Variants in PCDHB9 observed in about 807,000 individuals in gnomAD.
PCDHB9 encodes protocadherin beta 9.
For missense variants in PCDHB9, 1,072 were observed against 995.1 expected (o/e 1.08, Z -1.04); for synonymous variants, 501 against 439.7 (o/e 1.14, Z -1.75).
chr5:141,188,923 C>G lies in PCDHB9; in HGVS notation c.1605C>G (p.Asp535Glu). 1 of 1,612,126 alleles carries G rather than the reference C, an allele frequency of 6.2e-7. No individual in the cohort carries two copies. Among genetic ancestry groups the G allele is most frequent in the Non-Finnish European group, 8.5e-7 (1 of 1,179,836 alleles). Reference protein sequence around the residue: ...QAFDFRVGASDRGSPALSSEA... With the variant: ...QAFDFRVGASERGSPALSSEA... ...TCGACTTCCGCGTGGGCGCCTCAGA[C>G]CGCGGCTCCCCGGCTTTGAGCAGCG... Residue 535 changes from aspartate to glutamate, a missense_variant, in exon 1 of 1, where the codon GAC (aspartate) becomes GAG (glutamate). Transcript: ENST00000316105.
Position 141,188,173 on chromosome 5 carries a change from T to A in PCDHB9, c.855T>A (p.Ser285=), listed in dbSNP as rs1168158962. Reference sequence around the variant, plus strand: ...TATCCTATTCATTTTTTGATGCTTCTGAAGATATTTTAACAACGTTTCAAA... The same window carrying A: ...TATCCTATTCATTTTTTGATGCTTCAGAAGATATTTTAACAACGTTTCAAA... ...AEVSYSFFDA[S]EDILTTFQIN... is the part of the protein sequence containing the mutation. Residue 285 remains serine (S), a synonymous_variant, in exon 1 of 1, where the codon TCT becomes TCA. Transcript: ENST00000316105. The A allele has an allele frequency of 1.9e-6, 3 of 1,610,474 alleles. No homozygotes were observed. The highest frequency in any genetic ancestry group is 1.3e-5 in the African/African-American group (1 of 74,850).
chr5:141,187,407 T>C lies in PCDHB9; in HGVS notation c.89T>C (p.Phe30Ser), dbSNP rs376937188. 2 of 1,613,978 alleles carry C rather than the reference T, an allele frequency of 1.2e-6. No individual in the cohort carries two copies. The highest frequency in any genetic ancestry group is 1.3e-5 in the African/African-American group (1 of 74,904). The change falls in exon 1 of 1, where the codon TTT becomes TCT. Residue 30 changes from phenylalanine to serine, a missense_variant. Phe to Ser is a radical substitution (Grantham distance 155). Transcript: ENST00000316105. Reference sequence around the variant, plus strand: ...GGAGTGTCCTTGGCAGGTTCTGGGTTTGGACGTTATTCGGTGACTGAGGAA... The same window carrying C: ...GGAGTGTCCTTGGCAGGTTCTGGGTCTGGACGTTATTCGGTGACTGAGGAA... Reference protein sequence around the residue: ...FWGVSLAGSGFGRYSVTEETE... With the variant: ...FWGVSLAGSGSGRYSVTEETE...
Position 141,189,035 on chromosome 5 carries a change from A to G in PCDHB9, c.1717A>G (p.Thr573Ala). 1 of 1,609,040 alleles carries G rather than the reference A, an allele frequency of 6.2e-7. No individual in the cohort carries two copies. The highest frequency in any genetic ancestry group is 8.5e-7 in the Non-Finnish European group (1 of 1,179,454). Residue 573 changes from threonine (T) to alanine (A), a missense_variant, in exon 1 of 1, where the codon ACC (threonine) becomes GCC (alanine). Thr to Ala is a moderately conservative substitution (Grantham distance 58). Transcript: ENST00000316105. Reference sequence around the variant, plus strand: ...GCTGCAGAACGGCTCCGCGCCCTGCACCGAGCTGGTGCCCCGGGCGGCCGA... The same window carrying G: ...GCTGCAGAACGGCTCCGCGCCCTGCGCCGAGCTGGTGCCCCGGGCGGCCGA... ...YPLQNGSAPC[T>A]ELVPRAAEPG...
Position 141,188,758 on chromosome 5 carries a change from A to C in PCDHB9, c.1440A>C (p.Ser480=), listed in dbSNP as rs17844524. The C allele has an allele frequency of 6.2e-7, 1 of 1,613,058 alleles. No homozygotes were observed. Among genetic ancestry groups the C allele is most frequent in the Non-Finnish European group, 8.5e-7 (1 of 1,180,012 alleles). The change falls in exon 1 of 1, where the codon TCA becomes TCC. Residue 480 remains serine (S), a synonymous_variant. Coordinates refer to ENST00000316105, the MANE Select transcript of PCDHB9 (RefSeq NM_019119.5). ...IGSVSATDRD[S]GTNAQVTYSL... ...GTGTCAGCGCCACAGACAGAGACTC[A>C]GGCACCAACGCCCAGGTCACCTACT...
chr5:141,189,779 T>A lies in PCDHB9; in HGVS notation c.*67T>A. On this transcript the variant is annotated 3_prime_UTR_variant, in exon 1 of 1. Coordinates refer to ENST00000316105, the MANE Select transcript of PCDHB9 (RefSeq NM_019119.5). The stretch of plus-strand genomic sequence containing the variant: ...TCTTGTTGGCTAACTAAATTGTGTA[T>A]GCCCACCACAAAGAAGGTACTATTT... 1 of 1,360,586 alleles carries A rather than the reference T, an allele frequency of 7.3e-7. No homozygotes were observed. Among genetic ancestry groups the A allele is most frequent in the Non-Finnish European group, 1.0e-6 (1 of 993,932 alleles). The allele number at this position is 1,360,586 out of a possible 1,614,324, so 84.3% of individuals were successfully genotyped here.
chr5:141,187,207 G>T lies in PCDHB9; in HGVS notation c.-112G>T. The T allele has an allele frequency of 7.7e-7, 1 of 1,297,370 alleles. No homozygotes were observed. The highest frequency in any genetic ancestry group is 2.3e-5 in the East Asian group (1 of 42,908). 80.4% of individuals were successfully genotyped at this position (1,297,370 alleles called of 1,614,324 possible). ...AGAAGAGCTGTCGAGTCCCTGATTG[G>T]GAAAGGAAAAATTAAAAACCCTAGA... On this transcript the variant is annotated 5_prime_UTR_variant, in exon 1 of 1. Transcript: ENST00000316105.
At position 141,188,053 on chromosome 5, in the gene PCDHB9, T is replaced by A; in HGVS notation, c.735T>A (p.Ala245=). The change falls in exon 1 of 1, where the codon GCT becomes GCA. Residue 245 remains alanine (A), a synonymous_variant. Transcript: ENST00000316105. Reference sequence around the variant, plus strand: ...ACAATGTCCCACAGTTTGCCCAGGCTCTGTATGAGACCCAGGCTCCAGAAA... The same window carrying A: ...ACAATGTCCCACAGTTTGCCCAGGCACTGTATGAGACCCAGGCTCCAGAAA... ...VNDNVPQFAQ[A]LYETQAPENS... 2.5e-6 allele frequency: 4 copies of A among 1,613,978 alleles called. No individual in the cohort carries two copies. Among genetic ancestry groups the A allele is most frequent in the Non-Finnish European group, 3.4e-6 (4 of 1,179,988 alleles).
In PCDHB9 at chr5:141,190,028, T is replaced by A. The variant is rs1319867697; in HGVS notation, c.*316T>A. On this transcript the variant is annotated 3_prime_UTR_variant, in exon 1 of 1. Transcript: ENST00000316105. The stretch of plus-strand genomic sequence containing the variant: ...TCATTAGTTCTTCTTTTCCTAAAAC[T>A]TTTTACTTGTTAAAATAGTCTGCTG... 4.6e-6 allele frequency: 1 copy of A among 219,452 alleles called. No homozygotes were observed. 13.6% of individuals were successfully genotyped at this position (219,452 alleles called of 1,614,324 possible).
In PCDHB9 at chr5:141,188,680, C is replaced by T. The variant is rs782815281; in HGVS notation, c.1362C>T (p.Thr454=). Residue 454 remains threonine (T), a synonymous_variant, in exon 1 of 1, where the codon ACC becomes ACT. Transcript: ENST00000316105. ...ACAACGCCCCCGCCTTCACCCAAAC[C>T]TCCTACACCCTGTTCGTCCGGGAGA... is the stretch of plus-strand genomic sequence containing the variant. The part of the protein sequence containing the change: ...VNDNAPAFTQ[T]SYTLFVRENN... 10 of 1,613,978 alleles carry T rather than the reference C, an allele frequency of 6.2e-6. No homozygotes were observed. The highest frequency in any genetic ancestry group is 5.5e-5 in the South Asian group (5 of 91,082).
rs2910323 is a variant in PCDHB9, at chr5:141,189,586, T to A, written c.2268T>A (p.Thr756=). The A allele has an allele frequency of 1.9e-6, 3 of 1,614,056 alleles. No homozygotes were observed. Among genetic ancestry groups the A allele is most frequent in the South Asian group, 2.2e-5 (2 of 91,068 alleles). Residue 756 remains threonine, a synonymous_variant, in exon 1 of 1, where the codon ACT becomes ACA. Coordinates refer to ENST00000316105, the MANE Select transcript of PCDHB9 (RefSeq NM_019119.5). ...FQSYQYEVCL[T]GGSETGEFKF... is the part of the protein sequence containing the mutation. ...GCTACCAGTACGAGGTGTGTCTGAC[T>A]GGAGGTTCAGAGACCGGCGAGTTCA...
rs981024864 is a variant in PCDHB9 at position 141,188,415 on chromosome 5, C to T, written c.1097C>T (p.Ala366Val). The T allele has an allele frequency of 6.2e-7, 1 of 1,614,100 alleles. No individual in the cohort carries two copies. The highest frequency in any genetic ancestry group is 8.5e-7 in the Non-Finnish European group (1 of 1,179,988). The change falls in exon 1 of 1, where the codon GCT becomes GTT. Residue 366 changes from alanine to valine, a missense_variant. Transcript: ENST00000316105. ...VAENSPGIVL[A>V]VFKIKDRDSG... Reference sequence around the variant, plus strand: ...GAAAACTCTCCTGGGATAGTATTGGCTGTTTTTAAGATTAAAGACAGAGAC... The same window carrying T: ...GAAAACTCTCCTGGGATAGTATTGGTTGTTTTTAAGATTAAAGACAGAGAC...
rs1554282938 is a variant in PCDHB9, at chr5:141,188,158, A to C, written c.840A>C (p.Ser280=). 6.2e-7 allele frequency: 1 copy of C among 1,610,808 alleles called. No homozygotes were observed. Among genetic ancestry groups the C allele is most frequent in the Non-Finnish European group, 8.5e-7 (1 of 1,178,156 alleles). The change falls in exon 1 of 1, where the codon TCA becomes TCC. Residue 280 remains serine, a synonymous_variant. Coordinates refer to ENST00000316105, the MANE Select transcript of PCDHB9 (RefSeq NM_019119.5). ...GAGTCAATGCAGAAGTATCCTATTC[A>C]TTTTTTGATGCTTCTGAAGATATTT... ...DSGVNAEVSY[S]FFDASEDILT... is the part of the protein sequence containing the mutation.
In PCDHB9 at chr5:141,188,152, C is replaced by A; in HGVS notation, c.834C>A (p.Ser278=). ...ACTCAGGAGTCAATGCAGAAGTATC[C>A]TATTCATTTTTTGATGCTTCTGAAG... is the stretch of plus-strand genomic sequence containing the variant. ...DADSGVNAEV[S]YSFFDASEDI... Residue 278 remains serine (S), a synonymous_variant, in exon 1 of 1, where the codon TCC becomes TCA. Transcript: ENST00000316105. 6.2e-7 allele frequency: 1 copy of A among 1,611,000 alleles called. No individual in the cohort carries two copies. The highest frequency in any genetic ancestry group is 1.1e-5 in the South Asian group (1 of 90,770).
Position 141,187,920 on chromosome 5 carries a change from A to G in PCDHB9, c.602A>G (p.Asp201Gly). The change falls in exon 1 of 1, where the codon GAT becomes GGT. Residue 201 changes from aspartate to glycine, a missense_variant. Coordinates refer to ENST00000316105, the MANE Select transcript of PCDHB9 (RefSeq NM_019119.5). ...GAGCTAGTGTTGGACAAAGCACTGG[A>G]TCGGGAGGAGCAGGAAGAGCTCAGC... ...YPELVLDKAL[D>G]REEQEELSLT... 6.2e-7 allele frequency: 1 copy of G among 1,614,164 alleles called. No individual in the cohort carries two copies. The highest frequency in any genetic ancestry group is 8.5e-7 in the Non-Finnish European group (1 of 1,180,038).
In PCDHB9 at chr5:141,187,924, G is replaced by A. The variant is rs1242059693; in HGVS notation, c.606G>A (p.Arg202=). The part of the protein sequence containing the change: ...PELVLDKALD[R]EEQEELSLTL... ...TAGTGTTGGACAAAGCACTGGATCG[G>A]GAGGAGCAGGAAGAGCTCAGCTTAA... is the stretch of plus-strand genomic sequence containing the variant. Residue 202 remains arginine (R), a synonymous_variant, in exon 1 of 1, where the codon CGG becomes CGA. Coordinates refer to ENST00000316105, the MANE Select transcript of PCDHB9 (RefSeq NM_019119.5). 1 of 1,614,154 alleles carries A rather than the reference G, an allele frequency of 6.2e-7. No individual in the cohort carries two copies. Among genetic ancestry groups the A allele is most frequent in the Admixed American group, 1.7e-5 (1 of 60,016 alleles).
rs782704718 is a variant in PCDHB9 at position 141,188,184 on chromosome 5, T to G, written c.866T>G (p.Leu289Ter). Residue 289 changes from leucine (L) to a stop codon, truncating the protein, a stop_gained, in exon 1 of 1, where the codon TTA becomes TGA. Transcript: ENST00000316105. LOFTEE classifies it low-confidence loss of function (END_TRUNC). The stretch of plus-strand genomic sequence containing the variant: ...TTTTTTGATGCTTCTGAAGATATTT[T>G]AACAACGTTTCAAATCAATCCTTTT... Reference protein sequence around the residue: ...YSFFDASEDILTTFQINPFSG... With the variant: ...YSFFDASEDI 2 of 1,610,952 alleles carry G rather than the reference T, an allele frequency of 1.2e-6. No individual in the cohort carries two copies. The highest frequency in any genetic ancestry group is 1.3e-5 in the African/African-American group (1 of 74,856).
rs1753804690 is a variant in PCDHB9, at chr5:141,188,650, C to A, written c.1332C>A (p.Val444=). ...GCATAACCCTGCAGGTCTCCGACGT[C>A]AATGACAACGCCCCCGCCTTCACCC... ...EHSITLQVSD[V]NDNAPAFTQT... The change falls in exon 1 of 1, where the codon GTC becomes GTA. Residue 444 remains valine (V), a synonymous_variant. Coordinates refer to ENST00000316105, the MANE Select transcript of PCDHB9 (RefSeq NM_019119.5). The A allele has an allele frequency of 1.2e-6, 2 of 1,614,068 alleles. No individual in the cohort carries two copies. Among genetic ancestry groups the A allele is most frequent in the Admixed American group, 1.7e-5 (1 of 59,994 alleles).
rs782591154 is a variant in PCDHB9 at position 141,189,311 on chromosome 5, G to C, written c.1993G>C (p.Gly665Arg). Residue 665 changes from glycine to arginine, a missense_variant, in exon 1 of 1, where the codon GGC (glycine) becomes CGC (arginine). Gly to Arg is a moderately radical substitution (Grantham distance 125). Coordinates refer to ENST00000316105, the MANE Select transcript of PCDHB9 (RefSeq NM_019119.5). ...CACGCTGCACGTGCTCCTGGTGGAC[G>C]GCTTCTCCCAGCCCTACCTGCCTCT... is the stretch of plus-strand genomic sequence containing the variant. ...TATLHVLLVD[G>R]FSQPYLPLPE... 4.8e-5 allele frequency: 78 copies of C among 1,610,098 alleles called. No homozygotes were observed. Among genetic ancestry groups the C allele is most frequent in the Admixed American group, 1.0e-4 (6 of 59,998 alleles).
At position 141,188,979 on chromosome 5, in the gene PCDHB9, C is replaced by G. The variant is rs556259049; in HGVS notation, c.1661C>G (p.Ala554Gly). The change falls in exon 1 of 1, where the codon GCC (alanine) becomes GGC (glycine). Residue 554 changes from alanine to glycine, a missense_variant. Transcript: ENST00000316105. ...CTGGTGCGCGTACTGGTGCTGGACG[C>G]CAACGACAACTCGCCCTTCGTGCTG... is the stretch of plus-strand genomic sequence containing the variant. ...EALVRVLVLD[A>G]NDNSPFVLYP... 5 of 1,611,644 alleles carry G rather than the reference C, an allele frequency of 3.1e-6. No individual in the cohort carries two copies. In the Admixed American group the frequency reaches 8.3e-5, roughly 27 times the overall value.
Sources: gnomAD v4.1 joint callset for allele counts on GRCh38, gnomAD v4.1.1 for gene constraint, MANE v1.5 for transcripts, NCBI Gene and HGNC (gene_info 2026-07-23, HGNC 2026-07-21) for gene names.